Variants in RGS7BP observed in about 807,000 individuals in gnomAD.
The protein encoded by RGS7BP is regulator of G protein signaling 7 binding protein.
A neutral mutation model predicts 31.3 loss-of-function variants in RGS7BP; 9 were observed. The observed-to-expected ratio is 0.29, with a 90% CI of 0.17 to 0.50. RGS7BP has a LOEUF of 0.50. Among genes scored for constraint, RGS7BP ranks in the 20% least tolerant of loss-of-function variants. The pLI, the probability that RGS7BP is intolerant of heterozygous loss-of-function variation, is 0.98. For synonymous variants in RGS7BP, 115 were observed against 120.1 expected, an observed-to-expected ratio of 0.96 and a Z score of 0.28; for missense variants, 274 against 322.0, an observed-to-expected ratio of 0.85 and a Z score of 1.14.
At chr5:64,564,950 G>T (rs1742135015) in intron 2 of RGS7BP, among the ~76,000 whole-genome samples, 1 of 152,068 alleles carries the variant, frequency 6.6e-6, no homozygotes, top group Non-Finnish European at 1.5e-5. Flanking sequence ...AATCCAGATT[G>T]TTGTGTGAAT....
chr5:64,530,945 G>T (rs1749355992), intron 2 of RGS7BP, among the ~76,000 whole-genome samples: 1 of 152,162 alleles, frequency 6.6e-6, no homozygotes, highest in Non-Finnish European at 1.5e-5. Flanking sequence ...GCTGAGACAG[G>T]CTGGCCAGGA....
chr5:64,587,564 G>T (rs1742792388), intron 3 of RGS7BP, among the ~76,000 whole-genome samples: 1 of 152,190 alleles, frequency 6.6e-6, no homozygotes, highest in Non-Finnish European at 1.5e-5. Flanking sequence ...CTGAGCAGCA[G>T]AGACTATCAG....
At chr5:64,512,487 C>A (rs1430321271) in intron 2 of RGS7BP, among the ~76,000 whole-genome samples, 2 of 152,160 alleles carry the variant, frequency 1.3e-5, no homozygotes, top group African/African-American at 4.8e-5. Flanking sequence ...AAGATATTGT[C>A]TCTCCCTCTC....
rs1474438973 is a variant in RGS7BP at position 64,609,519 on chromosome 5, G to A, written c.*267G>A. On this transcript the variant is annotated 3_prime_UTR_variant, in exon 6 of 6. Transcript: ENST00000334025. ...ATTGTGCATGTCTGCTCCAAACCAC[G>A]CCATGACAGATGCAAGAATTATGAT... 12 of 418,376 alleles carry A rather than the reference G, an allele frequency of 2.9e-5. No individual in the cohort carries two copies. Among genetic ancestry groups the A allele is most frequent in the South Asian group, 7.9e-5 (2 of 25,316 alleles). The allele number at this position is 418,376 out of a possible 1,614,324, so 25.9% of individuals were successfully genotyped here.
At chr5:64,525,939 C>G (rs1299962969) in intron 2 of RGS7BP, among the ~76,000 whole-genome samples, 3 of 152,116 alleles carry the variant, frequency 2.0e-5, no homozygotes, top group Non-Finnish European at 4.4e-5. Context: ...CAGCAGGAAG[C>G]CCCCAGGAGC....
chr5:64,530,138 C>A (rs573635242), intron 2 of RGS7BP, among the ~76,000 whole-genome samples: 32 of 152,202 alleles, frequency 2.1e-4, no homozygotes, highest in Non-Finnish European at 4.0e-4. Flanking sequence ...GTGAGATAGT[C>A]GGGTCAAATG....
intron 2 of RGS7BP, among the ~76,000 whole-genome samples, chr5:64,516,266 C>T (rs1748972243): frequency 6.6e-6 from 1 of 152,182 alleles, no homozygotes. Flanking sequence ...AGCCAAAGCC[C>T]TCGTATTCTT....
chr5:64,576,233 G>A (rs1561340668), intron 3 of RGS7BP, among the ~76,000 whole-genome samples: 1 of 152,208 alleles, frequency 6.6e-6, no homozygotes, highest in East Asian at 1.9e-4. Context: ...TGCTATCCAA[G>A]AGTGCTATTT....
chr5:64,538,532 T>C (rs1741439123), intron 2 of RGS7BP, among the ~76,000 whole-genome samples: 2 of 137,276 alleles, frequency 1.5e-5, no homozygotes, highest in African/African-American at 5.6e-5. Context: ...TCTTTTCTTT[T>C]TTTTTTTCCT....
chr5:64,586,874 C>T (rs568442955), intron 3 of RGS7BP, among the ~76,000 whole-genome samples: 99 of 148,838 alleles, frequency 6.7e-4, no homozygotes, highest in Non-Finnish European at 9.9e-4. Context: ...TGCAAATCCA[C>T]TGAAATAATG....
At chr5:64,551,299 G>A (rs1033890991) in intron 2 of RGS7BP, among the ~76,000 whole-genome samples, 6 of 142,052 alleles carry the variant, frequency 4.2e-5, no homozygotes, top group African/African-American at 1.6e-4. Context: ...GTCTCACTCT[G>A]TCTCCCAGCC....
At chr5:64,597,717 G>GGT (rs1743111537) in intron 4 of RGS7BP, among the ~76,000 whole-genome samples, 1 of 151,748 alleles carries the variant, frequency 6.6e-6, no homozygotes, top group African/African-American at 2.4e-5. Context: ...ATGGACATGG[G>GGT]GTGTGGAATG....
At chr5:64,519,208 G>A (rs1402418199) in intron 2 of RGS7BP, among the ~76,000 whole-genome samples, 4 of 152,206 alleles carry the variant, frequency 2.6e-5, no homozygotes, top group Non-Finnish European at 5.9e-5. Context: ...GGAGAAAGAA[G>A]TAAAGGTAGA....
intron 2 of RGS7BP, chr5:64,539,598 G>A (rs973511457): frequency 4.6e-5 from 7 of 152,174 alleles, no homozygotes; most frequent in African/African-American, 1.7e-4. Flanking sequence ...AGTTAACTAT[G>A]CCTATCAGGT....
At chr5:64,511,037 G>A (rs1748818852) in intron 2 of RGS7BP, among the ~76,000 whole-genome samples, 1 of 152,204 alleles carries the variant, frequency 6.6e-6, no homozygotes, top group Non-Finnish European at 1.5e-5. Context: ...CAGGATTGAA[G>A]GTGGACAGGG....
chr5:64,589,637 T>C (rs1742854451), intron 3 of RGS7BP, among the ~76,000 whole-genome samples: 1 of 152,026 alleles, frequency 6.6e-6, no homozygotes, highest in South Asian at 2.1e-4. Context: ...TAAAAGAATA[T>C]AAAGTAACAT....
chr5:64,519,166 T>C (rs1749045608), intron 2 of RGS7BP, among the ~76,000 whole-genome samples: 2 of 152,158 alleles, frequency 1.3e-5, no homozygotes, highest in Admixed American at 6.5e-5. Flanking sequence ...GGAGCTTGGA[T>C]GTGAGGAGTG....
intron 2 of RGS7BP, among the ~76,000 whole-genome samples, chr5:64,511,880 G>A (rs1027186269): frequency 6.6e-6 from 1 of 152,178 alleles, no homozygotes; most frequent in Non-Finnish European, 1.5e-5. Flanking sequence ...AGTTGAGAGA[G>A]TTAACTGAGC....
At chr5:64,577,054 T>G (rs1184858521) in intron 3 of RGS7BP, among the ~76,000 whole-genome samples, 1 of 146,196 alleles carries the variant, frequency 6.8e-6, no homozygotes, top group African/African-American at 2.6e-5. Context: ...GAAAGATATT[T>G]CATATGAGGA....
Sources: gnomAD v4.1 joint callset for allele counts (sites outside exome capture counted in the v4.1 genomes callset) on GRCh38, gnomAD v4.1.1 for gene constraint, MANE v1.5 for transcripts, NCBI Gene and HGNC (gene_info 2026-07-23, HGNC 2026-07-21) for gene names.